COL4A3: variants seen among roughly 807,000 people sequenced by gnomAD.
COL4A3 encodes collagen alpha-3(IV) chain.
A neutral mutation model predicts 217.4 loss-of-function variants in COL4A3; 135 were observed. The ratio of observed to expected loss-of-function variants is 0.62; its 90% CI spans 0.54 to 0.72. COL4A3 has a LOEUF of 0.72. Ranked by LOEUF, COL4A3 falls within the 30% of genes least tolerant of loss-of-function variation. COL4A3 has a pLI of 0.00. For synonymous variants in COL4A3, 690 were observed against 736.3 expected (o/e 0.94, Z 1.02); for missense variants, 1,868 against 2,119.9 (o/e 0.88, Z 2.33).
chr2:227,304,920 A>T, intron 46 of COL4A3, 65 bp from the exon 47 acceptor site: 1 of 1,328,936 alleles, frequency 7.5e-7, no homozygotes. Flanking sequence ...GGTTAACGGG[A>T]TGGTTGGCCA....
Position 227,244,963 on chromosome 2 carries a change from T to C in COL4A3, c.292T>C (p.Leu98=). ...GSKGVRGISG[L]PGFSGSPGLP... is the part of the protein sequence containing the mutation. ...CCTATGTCTTCAGGGAATAAGTGGA[T>C]TGCCAGGATTTTCTGGTTCTCCTGG... Residue 98 remains leucine (L), a synonymous_variant, in exon 5 of 52, where the codon TTG becomes CTG. Coordinates refer to ENST00000396578, the MANE Select transcript of COL4A3 (RefSeq NM_000091.5). The C allele has an allele frequency of 6.2e-7, 1 of 1,613,460 alleles. No individual in the cohort carries two copies. Among genetic ancestry groups the C allele is most frequent in the Non-Finnish European group, 8.5e-7 (1 of 1,179,624 alleles).
chr2:227,308,029 T>C (rs1448039555), intron 48 of COL4A3, 110 bp downstream of exon 48: 1 of 914,940 alleles, frequency 1.1e-6, no homozygotes, highest in Non-Finnish European at 1.8e-6. Flanking sequence ...CTTGAGTGTC[T>C]CCTGATACAT....
intron 1 of COL4A3, among the ~76,000 whole-genome samples, chr2:227,201,414 C>G (rs1244061028): frequency 6.6e-6 from 1 of 152,202 alleles, no homozygotes; most frequent in African/African-American, 2.4e-5. Context: ...AAATTTGTCA[C>G]ATCCCAGGCT....
intron 1 of COL4A3, among the ~76,000 whole-genome samples, chr2:227,214,220 G>C (rs1157795261): frequency 1.3e-5 from 2 of 152,128 alleles, no homozygotes; most frequent in African/African-American, 4.8e-5. Flanking sequence ...TGTCTGTGTG[G>C]AGTCTAAATA....
At chr2:227,258,114 CA>C (rs567753114) in intron 18 of COL4A3, among the ~76,000 whole-genome samples, 2 of 152,322 alleles carry the variant, frequency 1.3e-5, no homozygotes, top group South Asian at 4.1e-4. Flanking sequence ...CTCCTAACTG[CA>C]GAGCAGCCAC....
intron 37 of COL4A3, among the ~76,000 whole-genome samples, chr2:227,291,290 G>T (rs540974103): frequency 6.6e-6 from 1 of 152,064 alleles, no homozygotes; most frequent in African/African-American, 2.4e-5. Flanking sequence ...TCGGCCGGGC[G>T]CGGTGGCTCA....
chr2:227,232,997 A>G (rs758870480), intron 1 of COL4A3, among the ~76,000 whole-genome samples: 14 of 152,034 alleles, frequency 9.2e-5, no homozygotes, highest in Non-Finnish European at 1.8e-4. Flanking sequence ...CATCTTTTAT[A>G]TTTTTTATTG....
chr2:227,218,856 TA>T (rs1232858752), intron 1 of COL4A3, among the ~76,000 whole-genome samples: 6 of 152,198 alleles, frequency 3.9e-5, no homozygotes, highest in Non-Finnish European at 8.8e-5. Flanking sequence ...ATTTTGGTTG[TA>T]AAAAAAGCAG....
intron 38 of COL4A3, 53 bp downstream of exon 38, chr2:227,293,370 C>T: frequency 1.3e-6 from 2 of 1,588,706 alleles, no homozygotes; most frequent in Non-Finnish European, 8.6e-7. Flanking sequence ...CAGAGTATAG[C>T]CCTCCTGAAA....
At chr2:227,190,897 G>T (rs1312559480) in intron 1 of COL4A3, among the ~76,000 whole-genome samples, 1 of 152,062 alleles carries the variant, frequency 6.6e-6, no homozygotes, top group Non-Finnish European at 1.5e-5. Context: ...ACAGTAATAT[G>T]TCATAACTAA....
intron 1 of COL4A3, among the ~76,000 whole-genome samples, chr2:227,204,284 T>C (rs1011043180): frequency 6.6e-6 from 1 of 152,230 alleles, no homozygotes; most frequent in Admixed American, 6.5e-5. Context: ...GTCTGTCACA[T>C]GAGCATTCAA....
intron 1 of COL4A3, among the ~76,000 whole-genome samples, chr2:227,189,931 T>G (rs951339781): frequency 6.6e-6 from 1 of 152,202 alleles, no homozygotes; most frequent in African/African-American, 2.4e-5. Flanking sequence ...TTTCTACCAG[T>G]AATTCTTCCC....
intron 42 of COL4A3, among the ~76,000 whole-genome samples, chr2:227,298,420 G>T (rs1411295385): frequency 6.6e-6 from 1 of 152,130 alleles, no homozygotes; most frequent in Non-Finnish European, 1.5e-5. Flanking sequence ...CCTAGAGCTG[G>T]GCTAGGCTCT....
intron 6 of COL4A3, chr2:227,246,281 A>G: frequency 3.7e-6 from 2 of 538,820 alleles, no homozygotes; most frequent in Non-Finnish European, 6.6e-6. Context: ...TGTATAAATC[A>G]GAAACCAAAG....
rs1253144429 is a variant in COL4A3, at chr2:227,301,249, A to G, written c.3883-1789A>G. The stretch of plus-strand genomic sequence containing the variant: ...CAGCAGCCATTTTGTCCACAAAAAT[A>G]TAGTAGAGAGAGCTACCATGGCACA... On this transcript the variant is annotated intron_variant, in intron 43 of 51. Transcript: ENST00000396578. Among the ~76,000 whole-genome samples, 2 of 152,240 alleles carry G rather than the reference A, an allele frequency of 1.3e-5. 1 individual carries two copies. The highest frequency in any genetic ancestry group is 4.1e-4 in the South Asian group (2 of 4,830).
In COL4A3 at chr2:227,259,894, T is replaced by A; in HGVS notation, c.1114+17T>A. 6.3e-7 allele frequency: 1 copy of A among 1,581,174 alleles called. No homozygotes were observed. On this transcript the variant is annotated intron_variant, in intron 19 of 51. Coordinates refer to ENST00000396578, the MANE Select transcript of COL4A3 (RefSeq NM_000091.5). ...GCCCACAAGGTAAGAATAAATTTCT[T>A]CCTAAAGCATTTGCTGAACATATTT...
intron 1 of COL4A3, among the ~76,000 whole-genome samples, chr2:227,214,633 C>G (rs1199470216): frequency 2.0e-5 from 3 of 152,220 alleles, no homozygotes; most frequent in Non-Finnish European, 4.4e-5. Flanking sequence ...ATTGCTATCT[C>G]TGGGCATGTT....
Position 227,282,678 on chromosome 2 carries a change from G to A in COL4A3, c.2656+146G>A. ...TCTAAATTATTTGTAAGAAACCAGGGGCCATGGTGCAGGGAAACGGTGGCG... is the reference window on the plus strand; with the variant it reads ...TCTAAATTATTTGTAAGAAACCAGGAGCCATGGTGCAGGGAAACGGTGGCG... On this transcript the variant is annotated intron_variant, in intron 32 of 51. Transcript: ENST00000396578. This position sits in a 1 kb window ranked among gnomAD's most constrained non-coding sequence, Gnocchi z 4.4. 5.0e-6 allele frequency: 4 copies of A among 793,878 alleles called. No individual in the cohort carries two copies. The highest frequency in any genetic ancestry group is 8.2e-6 in the Non-Finnish European group (4 of 490,320). 49.2% of individuals were successfully genotyped at this position (793,878 alleles called of 1,614,324 possible).
At chr2:227,236,861 A>G (rs190557551) in intron 1 of COL4A3, among the ~76,000 whole-genome samples, 2,818 of 152,184 alleles carry the variant, frequency 0.019, 34 homozygotes, top group Middle Eastern at 0.048. Context: ...GGGTTTCATC[A>G]GGTTGGCCAG....
Sources: allele counts gnomAD v4.1 joint callset (sites outside exome capture counted in the v4.1 genomes callset), GRCh38; gene constraint gnomAD v4.1.1; non-coding constraint Gnocchi (gnomAD v3.1); transcripts MANE v1.5; gene names NCBI Gene and HGNC (gene_info 2026-07-23, HGNC 2026-07-21).